The following ATF7IP2 variants were observed in gnomAD, a reference collection of about 807,000 sequenced individuals.
ATF7IP2 encodes activating transcription factor 7-interacting protein 2.
In ATF7IP2, 42 loss-of-function variants were observed where a neutral mutation model predicts 64.2. That is an observed-to-expected ratio of 0.65 (90% CI 0.51 to 0.85). The LOEUF is 0.85. Ranked by LOEUF, ATF7IP2 falls within the 40% of genes least tolerant of loss-of-function variation. ATF7IP2 has a pLI of 0.00. For missense variants in ATF7IP2, 933 were observed against 784.2 expected (o/e 1.19, Z -2.27); for synonymous variants, 308 against 272.8 (o/e 1.13, Z -1.27).
intron 9 of ATF7IP2, among the ~76,000 whole-genome samples, chr16:10,463,069 A>G (rs376768861): frequency 5.3e-5 from 8 of 152,282 alleles, no homozygotes; most frequent in African/African-American, 1.9e-4. Context: ...CATTTTAGTC[A>G]CTAAGATTTT....
chr16:10,449,604 T>C (rs2048920224), intron 8 of ATF7IP2: 1 of 152,238 alleles, frequency 6.6e-6, no homozygotes. Context: ...GAGGTGTTCA[T>C]ATTATTCTCT....
At chr16:10,397,723 G>C (rs1169120182) in intron 1 of ATF7IP2, among the ~76,000 whole-genome samples, 1 of 151,622 alleles carries the variant, frequency 6.6e-6, no homozygotes, top group Non-Finnish European at 1.5e-5. Context: ...CAGGAAATTA[G>C]GTGCACGCCA....
intron 1 of ATF7IP2, among the ~76,000 whole-genome samples, chr16:10,403,845 A>G (rs2047582385): frequency 6.6e-6 from 1 of 152,222 alleles, no homozygotes; most frequent in African/African-American, 2.4e-5. Flanking sequence ...TCAAGTATAG[A>G]TCAGCCAAGG....
chr16:10,457,412 A>C lies in ATF7IP2; in HGVS notation c.1235A>C (p.Glu412Ala), dbSNP rs1567162634. The change falls in exon 9 of 14, where the codon GAG becomes GCG. Residue 412 changes from glutamate to alanine, a missense_variant. Glu to Ala is a moderately radical substitution (Grantham distance 107). Coordinates refer to ENST00000562102, the MANE Select transcript of ATF7IP2 (RefSeq NM_001393719.1). ...SEAMILDKNL[E>A]SVNSPIEKSS... ...GCTATGATTTTGGATAAGAATCTTGAGTCAGTTAATAGTCCAATTGAAAAG... is the reference window on the plus strand; with the variant it reads ...GCTATGATTTTGGATAAGAATCTTGCGTCAGTTAATAGTCCAATTGAAAAG... The C allele has an allele frequency of 2.5e-6, 4 of 1,608,056 alleles. No individual in the cohort carries two copies. The highest frequency in any genetic ancestry group is 1.7e-5 in the Admixed American group (1 of 58,734).
intron 12 of ATF7IP2, among the ~76,000 whole-genome samples, chr16:10,477,566 G>T (rs1322758672): frequency 6.6e-6 from 1 of 152,178 alleles, no homozygotes; most frequent in African/African-American, 2.4e-5. Context: ...AAAACTGGAA[G>T]CATTCCCTTT....
rs147049830 is a variant in ATF7IP2, at chr16:10,399,062, G to A, written c.-242+12940G>A. Reference sequence around the variant, plus strand: ...CGTGAGGCGGAGTTTGCAGTGAGCCGAGATTGTGCCATTGCACTCCAGCCT... The same window carrying A: ...CGTGAGGCGGAGTTTGCAGTGAGCCAAGATTGTGCCATTGCACTCCAGCCT... On this transcript the variant is annotated intron_variant, in intron 1 of 13. Transcript: ENST00000562102. Among the ~76,000 whole-genome samples, 1,020 of 152,162 alleles carry A rather than the reference G, an allele frequency of 6.7e-3. 13 individuals are homozygous for A. Among genetic ancestry groups the A allele is most frequent in the African/African-American group, 0.023 (949 of 41,498 alleles).
intron 1 of ATF7IP2, among the ~76,000 whole-genome samples, chr16:10,402,275 G>T (rs1036243624): frequency 2.6e-5 from 4 of 151,736 alleles, no homozygotes; most frequent in Non-Finnish European, 4.4e-5. Context: ...TTAGTATGTC[G>T]TTTTTCTATT....
chr16:10,449,955 T>C (rs1394935038), intron 8 of ATF7IP2, among the ~76,000 whole-genome samples: 1 of 152,244 alleles, frequency 6.6e-6, no homozygotes, highest in Non-Finnish European at 1.5e-5. Flanking sequence ...TGTGGGCATT[T>C]AGTGCTATAA....
intron 3 of ATF7IP2, among the ~76,000 whole-genome samples, chr16:10,424,265 C>T (rs146434707): frequency 6.6e-6 from 1 of 152,304 alleles, no homozygotes; most frequent in African/African-American, 2.4e-5. Flanking sequence ...GCCTGTCACA[C>T]TGCTGCAGAG....
At chr16:10,396,861 T>C (rs1380121602) in intron 1 of ATF7IP2, among the ~76,000 whole-genome samples, 1 of 151,950 alleles carries the variant, frequency 6.6e-6, no homozygotes, top group Non-Finnish European at 1.5e-5. Context: ...GTGACAAGAT[T>C]TCCTTGTATT....
intron 12 of ATF7IP2, 119 bp downstream of exon 12, chr16:10,474,108 CTG>C: frequency 1.5e-6 from 1 of 659,550 alleles, no homozygotes. Flanking sequence ...GTTTATATCT[CTG>C]TGCAGTTTTA....
At chr16:10,454,997 A>T (rs1294254225) in intron 8 of ATF7IP2, among the ~76,000 whole-genome samples, 2 of 152,200 alleles carry the variant, frequency 1.3e-5, no homozygotes, top group Non-Finnish European at 2.9e-5. Flanking sequence ...TTACTTGACG[A>T]ATGTTCCATG....
intron 1 of ATF7IP2, among the ~76,000 whole-genome samples, chr16:10,402,448 G>A (rs1240330662): frequency 1.3e-5 from 2 of 151,990 alleles, no homozygotes. Flanking sequence ...TACTTGATAT[G>A]ATTTTGATTT....
rs140212603 is a variant in ATF7IP2, at chr16:10,421,610, G to T, written c.-160+1987G>T. Among the ~76,000 whole-genome samples, 411 of 152,280 alleles carry T rather than the reference G, an allele frequency of 2.7e-3. 4 individuals carry two copies. The highest frequency in any genetic ancestry group is 9.4e-3 in the African/African-American group (390 of 41,550). On this transcript the variant is annotated intron_variant, in intron 3 of 13. Coordinates refer to ENST00000562102, the MANE Select transcript of ATF7IP2 (RefSeq NM_001393719.1). ...CCCCAAGTAGGAGTAAGGAGTAGTAGTCTGAATTTTGTCAGGAGCTATGAT... is the reference window on the plus strand; with the variant it reads ...CCCCAAGTAGGAGTAAGGAGTAGTATTCTGAATTTTGTCAGGAGCTATGAT...
intron 5 of ATF7IP2, among the ~76,000 whole-genome samples, chr16:10,432,030 G>C (rs1356170588): frequency 6.8e-6 from 1 of 147,400 alleles, no homozygotes; most frequent in Non-Finnish European, 1.5e-5. Flanking sequence ...GTAGAAACAG[G>C]GTTTCACCAT....
chr16:10,429,352 G>A (rs1297567923), intron 4 of ATF7IP2, among the ~76,000 whole-genome samples: 1 of 152,118 alleles, frequency 6.6e-6, no homozygotes, highest in East Asian at 1.9e-4. Context: ...TATCAGGTTT[G>A]TTTGTGTGTT....
chr16:10,456,672 C>G (rs1007817214), intron 8 of ATF7IP2, among the ~76,000 whole-genome samples: 2 of 152,160 alleles, frequency 1.3e-5, no homozygotes, highest in Admixed American at 6.5e-5. Flanking sequence ...ATGGTCACTA[C>G]CACTGCAATG....
chr16:10,465,583 CAG>C (rs1436318501), intron 9 of ATF7IP2, among the ~76,000 whole-genome samples: 3 of 150,752 alleles, frequency 2.0e-5, no homozygotes, highest in South Asian at 4.2e-4. Context: ...ACTAAAAACA[CAG>C]AAAATTAGCT....
chr16:10,429,750 T>A (rs1294881356), intron 4 of ATF7IP2, among the ~76,000 whole-genome samples: 209 of 144,490 alleles, frequency 1.4e-3, no homozygotes, highest in African/African-American at 4.5e-3. Flanking sequence ...TTTTATTTAT[T>A]TTATTTTATT....
Sources: allele counts gnomAD v4.1 joint callset (sites outside exome capture counted in the v4.1 genomes callset), GRCh38; gene constraint gnomAD v4.1.1; transcripts MANE v1.5; gene names NCBI Gene and HGNC (gene_info 2026-07-23, HGNC 2026-07-21).